Variants in ERBB4 observed in about 807,000 individuals in gnomAD.
The protein encoded by ERBB4 is erb-b2 receptor tyrosine kinase 4.
In ERBB4, 42 loss-of-function variants were observed where a neutral mutation model predicts 158.0. That is an observed-to-expected ratio of 0.27 (90% CI 0.21 to 0.34). ERBB4 has a LOEUF of 0.34. Among genes scored for constraint, ERBB4 ranks in the 10% least tolerant of loss-of-function variants. The pLI is 1.00. For missense variants in ERBB4, 1,333 were observed against 1,624.1 expected (o/e 0.82, Z 3.08); for synonymous variants, 583 against 558.7 (o/e 1.04, Z -0.61).
chr2:211,409,888 C>G (rs2125374982), intron 25 of ERBB4, among the ~76,000 whole-genome samples: 1 of 152,250 alleles, frequency 6.6e-6, no homozygotes, highest in East Asian at 1.9e-4. Flanking sequence ...ACTAGAATGT[C>G]TTTAAGGTCC....
intron 3 of ERBB4, among the ~76,000 whole-genome samples, chr2:211,811,109 C>G (rs536486686): frequency 6.6e-6 from 1 of 152,220 alleles, no homozygotes; most frequent in South Asian, 2.1e-4. Flanking sequence ...TTCCTAGCAT[C>G]GATGGTCTTT....
chr2:211,787,753 T>C (rs1479720840), intron 4 of ERBB4, among the ~76,000 whole-genome samples: 2 of 152,102 alleles, frequency 1.3e-5, no homozygotes, highest in African/African-American at 4.8e-5. Flanking sequence ...GGAACACACA[T>C]TTGTACATTG....
intron 15 of ERBB4, among the ~76,000 whole-genome samples, chr2:211,663,914 C>T (rs1212033238): frequency 6.6e-6 from 1 of 151,152 alleles, no homozygotes. Context: ...TTGTGAAATA[C>T]TCTTAACTCA....
chr2:212,105,353 T>C (rs571297117), intron 2 of ERBB4, among the ~76,000 whole-genome samples: 5 of 152,196 alleles, frequency 3.3e-5, no homozygotes, highest in Non-Finnish European at 5.9e-5. Flanking sequence ...CTGAATTGCA[T>C]TGTGTAAAAA....
At chr2:212,285,039 G>A (rs534069377) in intron 1 of ERBB4, among the ~76,000 whole-genome samples, 1 of 152,086 alleles carries the variant, frequency 6.6e-6, no homozygotes, top group African/African-American at 2.4e-5. Context: ...AGCTCAAAAC[G>A]AATAAAAACA....
At chr2:211,597,752 T>C (rs1474141731) in intron 19 of ERBB4, among the ~76,000 whole-genome samples, 1 of 152,124 alleles carries the variant, frequency 6.6e-6, no homozygotes, top group Admixed American at 6.5e-5. Context: ...ATTATTTCAA[T>C]TTTTATTTTT....
chr2:212,126,229 C>T (rs570175402), intron 1 of ERBB4, among the ~76,000 whole-genome samples: 88 of 151,898 alleles, frequency 5.8e-4, no homozygotes, highest in Non-Finnish European at 9.6e-4. Context: ...TTTGGGAGGC[C>T]GACGCAGTTG....
At chr2:211,601,379 G>T (rs1031560468) in intron 19 of ERBB4, among the ~76,000 whole-genome samples, 131 of 151,994 alleles carry the variant, frequency 8.6e-4, no homozygotes, top group African/African-American at 2.9e-3. Flanking sequence ...TATTATCAAA[G>T]ATGCCATGGG....
At chr2:212,427,383 T>C (rs2091936971) in intron 1 of ERBB4, among the ~76,000 whole-genome samples, 1 of 152,124 alleles carries the variant, frequency 6.6e-6, no homozygotes, top group Non-Finnish European at 1.5e-5. Flanking sequence ...CACCAATCAT[T>C]ATGCTAGTTT....
intron 1 of ERBB4, among the ~76,000 whole-genome samples, chr2:212,526,226 T>G (rs1692439491): frequency 6.6e-6 from 1 of 152,090 alleles, no homozygotes; most frequent in Admixed American, 6.6e-5. Flanking sequence ...GTATCGGATC[T>G]AAATTTGCCA....
intron 1 of ERBB4, among the ~76,000 whole-genome samples, chr2:212,386,032 C>T (rs115521237): frequency 0.016 from 2,383 of 151,890 alleles, 24 homozygotes; most frequent in South Asian, 0.063. Flanking sequence ...CAGCGAAGAC[C>T]AGTCACTCTC....
chr2:211,972,149 C>G (rs1373956418), intron 2 of ERBB4, among the ~76,000 whole-genome samples: 1 of 151,926 alleles, frequency 6.6e-6, no homozygotes, highest in Non-Finnish European at 1.5e-5. Flanking sequence ...AAGGAAGAAA[C>G]TATAATGCCA....
At chr2:211,424,017 G>T (rs2063569031) in intron 23 of ERBB4, 138 bp downstream of exon 23, 1 of 813,422 alleles carries the variant, frequency 1.2e-6, no homozygotes. Context: ...ACAACAAAGA[G>T]GCGTTCATAT....
intron 3 of ERBB4, among the ~76,000 whole-genome samples, chr2:211,878,182 A>G (rs771092878): frequency 2.6e-5 from 4 of 152,216 alleles, no homozygotes; most frequent in Non-Finnish European, 4.4e-5. Flanking sequence ...TAAACAAATT[A>G]AAATCTTCCA....
intron 5 of ERBB4, among the ~76,000 whole-genome samples, chr2:211,750,005 A>G (rs1242058098): frequency 6.6e-6 from 1 of 152,134 alleles, no homozygotes; most frequent in East Asian, 1.9e-4. Flanking sequence ...AACATTAAGA[A>G]TGCTGAAAAA....
intron 20 of ERBB4, among the ~76,000 whole-genome samples, chr2:211,548,431 G>C (rs2066998068): frequency 6.6e-6 from 1 of 151,306 alleles, no homozygotes; most frequent in East Asian, 1.9e-4. Flanking sequence ...AAATTCTATA[G>C]AGAAAAAATT....
chr2:212,073,547 A>G (rs1328083944), intron 2 of ERBB4, among the ~76,000 whole-genome samples: 1 of 151,982 alleles, frequency 6.6e-6, no homozygotes, highest in African/African-American at 2.4e-5. Flanking sequence ...GGAGTGAGTC[A>G]GAGGATAAAC....
At chr2:212,164,470 G>C (rs1193174716) in intron 1 of ERBB4, among the ~76,000 whole-genome samples, 6 of 151,844 alleles carry the variant, frequency 4.0e-5, no homozygotes, top group African/African-American at 1.5e-4. Flanking sequence ...CTAATGTAGA[G>C]GTTTCTCACC....
At chr2:211,591,549 C>G (rs1015663564) in intron 19 of ERBB4, among the ~76,000 whole-genome samples, 1 of 152,192 alleles carries the variant, frequency 6.6e-6, no homozygotes, top group Non-Finnish European at 1.5e-5. Context: ...TAAACATCAC[C>G]TCTTCTGTGA....
Sources: gnomAD v4.1 joint callset for allele counts (sites outside exome capture counted in the v4.1 genomes callset) on GRCh38, gnomAD v4.1.1 for gene constraint, MANE v1.5 for transcripts, NCBI Gene and HGNC (gene_info 2026-07-23, HGNC 2026-07-21) for gene names.